The following ATF1 variants were observed in gnomAD, a reference collection of about 807,000 sequenced individuals.
The protein encoded by ATF1 is activating transcription factor 1.
In ATF1, 16 loss-of-function variants were observed where a neutral mutation model predicts 34.7. The ratio of observed to expected loss-of-function variants is 0.46; its 90% CI spans 0.31 to 0.70. The LOEUF is 0.70. Ranked by LOEUF, ATF1 falls within the 30% of genes least tolerant of loss-of-function variation. ATF1 has a pLI of 0.05. For synonymous variants in ATF1, 105 were observed against 113.1 expected (o/e 0.93, Z 0.46); for missense variants, 255 against 321.6 (o/e 0.79, Z 1.58).
intron 2 of ATF1, among the ~76,000 whole-genome samples, chr12:50,786,415 C>T (rs866716504): frequency 1.3e-5 from 2 of 152,002 alleles, no homozygotes; most frequent in Non-Finnish European, 2.9e-5. Flanking sequence ...CAAGCGTGAG[C>T]GTATAGAATC....
chr12:50,771,044 C>T (rs1417703883), intron 1 of ATF1, among the ~76,000 whole-genome samples: 5 of 151,766 alleles, frequency 3.3e-5, no homozygotes, highest in Non-Finnish European at 2.9e-5. Context: ...CTTGTTCTGT[C>T]GCCCAGGCTG....
intron 1 of ATF1, among the ~76,000 whole-genome samples, chr12:50,773,754 T>C (rs1216179341): frequency 2.6e-5 from 4 of 152,016 alleles, no homozygotes; most frequent in Non-Finnish European, 4.4e-5. Context: ...CACGCCTGGC[T>C]AATTTTTGTA....
intron 1 of ATF1, among the ~76,000 whole-genome samples, chr12:50,778,769 T>C (rs958357302): frequency 6.6e-6 from 1 of 152,112 alleles, no homozygotes; most frequent in African/African-American, 2.4e-5. Context: ...TTTTGTATTT[T>C]AGTAGAAACC....
chr12:50,796,031 G>A lies in ATF1; in HGVS notation c.194+22G>A, dbSNP rs1272567034. 21 of 1,555,536 alleles carry A rather than the reference G, an allele frequency of 1.4e-5. No homozygotes were observed. In the East Asian group the frequency reaches 4.7e-4, roughly 35 times the overall value. On this transcript the variant is annotated intron_variant, in intron 3 of 6. Transcript: ENST00000262053. ...ACAGGTGAGTACTCTCTTGTATGAA[G>A]CCCTGCATGTTATGATAGTACCAAA...
At chr12:50,807,653 A>G (rs1033680535) in intron 3 of ATF1, among the ~76,000 whole-genome samples, 4 of 151,436 alleles carry the variant, frequency 2.6e-5, no homozygotes, top group African/African-American at 9.7e-5. Context: ...TCCTTTGTGG[A>G]TTATTTTTTG....
At chr12:50,785,284 TACACACACACACAC>T (rs56040362) in intron 2 of ATF1, among the ~76,000 whole-genome samples, 12,435 of 128,352 alleles carry the variant, frequency 0.097, 725 homozygotes, top group Admixed American at 0.14. Flanking sequence ...TATATATACA[TACACACACACACAC>T]ACACACACAC....
intron 1 of ATF1, chr12:50,764,538 C>T (rs1161609900): frequency 6.6e-6 from 1 of 152,382 alleles, no homozygotes; most frequent in Non-Finnish European, 1.5e-5. Flanking sequence ...CCTCCTTTCC[C>T]TCGCCCCCAA....
At chr12:50,806,248 T>C (rs562643281) in intron 3 of ATF1, 8 of 185,256 alleles carry the variant, frequency 4.3e-5, no homozygotes, top group Non-Finnish European at 8.5e-5. Context: ...CATTTTCAGC[T>C]AGGAAAGTTC....
intron 1 of ATF1, among the ~76,000 whole-genome samples, chr12:50,773,036 T>A (rs1036101473): frequency 3.7e-4 from 56 of 152,308 alleles, no homozygotes; most frequent in African/African-American, 1.3e-3. Context: ...GTTCTGTTCC[T>A]TTGTTAGTTT....
chr12:50,816,011 C>G (rs1250346104), intron 6 of ATF1, among the ~76,000 whole-genome samples: 2 of 152,154 alleles, frequency 1.3e-5, no homozygotes, highest in Non-Finnish European at 2.9e-5. Context: ...TATGTGGGAG[C>G]TAAAATATTT....
chr12:50,763,548 G>A (rs1302868980), upstream of ATF1, among the ~76,000 whole-genome samples: 1 of 150,198 alleles, frequency 6.7e-6, no homozygotes, highest in Non-Finnish European at 1.5e-5. Context: ...CCCGGGGTTG[G>A]AGGCTGCAGT....
At chr12:50,805,198 AT>A (rs1326235528) in intron 3 of ATF1, among the ~76,000 whole-genome samples, 1 of 152,020 alleles carries the variant, frequency 6.6e-6, no homozygotes, top group East Asian at 1.9e-4. Flanking sequence ...ATCTTAACAA[AT>A]TTAAAAGAAC....
chr12:50,791,289 C>T (rs577330741), intron 2 of ATF1, among the ~76,000 whole-genome samples: 2 of 152,296 alleles, frequency 1.3e-5, no homozygotes, highest in South Asian at 4.1e-4. Context: ...GGTGCGGTGG[C>T]TCACGCCTGT....
At position 50,764,186 on chromosome 12, in the gene ATF1, C is replaced by T. The variant is rs1326762609; in HGVS notation, c.-128C>T. 6.6e-6 allele frequency: 1 copy of T among 152,238 alleles called. No homozygotes were observed. Among genetic ancestry groups the T allele is most frequent in the Non-Finnish European group, 1.5e-5 (1 of 68,140 alleles). 9.4% of individuals were successfully genotyped at this position (152,238 alleles called of 1,614,324 possible). ...TGATTCTCCCCGCCCCGCCTGACCC[C>T]CGAGAAGGAGGCTTGTCCCCCGCTG... On this transcript the variant is annotated 5_prime_UTR_variant, in exon 1 of 7. Transcript: ENST00000262053.
intron 1 of ATF1, among the ~76,000 whole-genome samples, chr12:50,770,600 G>T: frequency 6.6e-6 from 1 of 152,164 alleles, no homozygotes; most frequent in East Asian, 1.9e-4. Context: ...TATTATTCTT[G>T]CTGCACTTTA....
intron 1 of ATF1, among the ~76,000 whole-genome samples, chr12:50,777,973 G>A (rs149452365): frequency 2.0e-5 from 3 of 147,546 alleles, no homozygotes; most frequent in Non-Finnish European, 4.5e-5. Context: ...GCTGAAGTGC[G>A]GTAGTGTGAT....
Position 50,779,492 on chromosome 12 carries a change from C to T in ATF1, c.-6-648C>T, listed in dbSNP as rs1941006597. Among the ~76,000 whole-genome samples, 3 of 150,508 alleles carry T rather than the reference C, an allele frequency of 2.0e-5. No homozygotes were observed. The South Asian group carries it at 6.3e-4, about 31-fold the overall frequency. On this transcript the variant is annotated intron_variant, in intron 1 of 6. Transcript: ENST00000262053. ...TGATATTTCGTTGTAGTTTTCAGTGCATTTCCTTAATAGTGATATTGAGCA... is the reference window on the plus strand; with the variant it reads ...TGATATTTCGTTGTAGTTTTCAGTGTATTTCCTTAATAGTGATATTGAGCA...
chr12:50,798,794 A>G (rs1375877602), intron 3 of ATF1, among the ~76,000 whole-genome samples: 1 of 152,246 alleles, frequency 6.6e-6, no homozygotes, highest in Non-Finnish European at 1.5e-5. Context: ...GAAACAATAC[A>G]GTCAACTCAA....
intron 2 of ATF1, among the ~76,000 whole-genome samples, chr12:50,783,230 G>A (rs1224477304): frequency 6.6e-6 from 1 of 152,172 alleles, no homozygotes; most frequent in Non-Finnish European, 1.5e-5. Flanking sequence ...ATAAGTTTGA[G>A]AATGTCAAAA....
Sources: gnomAD v4.1 joint callset for allele counts (sites outside exome capture counted in the v4.1 genomes callset) on GRCh38, gnomAD v4.1.1 for gene constraint, MANE v1.5 for transcripts, NCBI Gene and HGNC (gene_info 2026-07-23, HGNC 2026-07-21) for gene names.